The following RBFOX1 variants were observed in gnomAD, a reference collection of about 807,000 sequenced individuals.
RBFOX1 encodes the protein RNA binding fox-1 homolog 1.
RBFOX1 carries 8 observed loss-of-function variants against 57.7 expected under a neutral mutation model. The observed-to-expected ratio is 0.14, with a 90% CI of 0.08 to 0.25. The LOEUF (loss-of-function observed/expected upper bound fraction) is 0.25. Ranked by LOEUF, RBFOX1 falls within the 10% of genes least tolerant of loss-of-function variation. The pLI, the probability that RBFOX1 is intolerant of heterozygous loss-of-function variation, is 1.00. For missense variants in RBFOX1, 611 were observed against 548.5 expected (o/e 1.11, Z -1.14); for synonymous variants, 326 against 222.4 (o/e 1.47, Z -4.15).
At chr16:5,324,544 C>A (rs909165891) in intron 1 of RBFOX1, among the ~76,000 whole-genome samples, 14 of 152,168 alleles carry the variant, frequency 9.2e-5, no homozygotes, top group African/African-American at 2.9e-4. Flanking sequence ...ATAGCAAAGA[C>A]ATGGAATCAA....
chr16:6,593,625 A>G (rs1208243158), intron 2 of RBFOX1, among the ~76,000 whole-genome samples: 1 of 152,172 alleles, frequency 6.6e-6, no homozygotes. Context: ...TATGCTGGTA[A>G]TGTGAGTGCC....
chr16:5,759,227 G>A (rs181855159), intron 3 of RBFOX1, among the ~76,000 whole-genome samples: 1 of 152,188 alleles, frequency 6.6e-6, no homozygotes, highest in African/African-American at 2.4e-5. Context: ...CTGCATCATA[G>A]CCTGAGGTCT....
At chr16:7,563,255 C>T (rs1052479959) in intron 5 of RBFOX1, among the ~76,000 whole-genome samples, 2 of 152,122 alleles carry the variant, frequency 1.3e-5, no homozygotes, top group Non-Finnish European at 2.9e-5. Flanking sequence ...AATCATGGTC[C>T]ATCCTAAGCA....
intron 1 of RBFOX1, among the ~76,000 whole-genome samples, chr16:5,327,726 C>T (rs2064624051): frequency 6.6e-6 from 1 of 152,116 alleles, no homozygotes; most frequent in Non-Finnish European, 1.5e-5. Flanking sequence ...AGTGAGCTGC[C>T]CTACTTTGCA....
At chr16:6,774,059 C>G in intron 3 of RBFOX1, 1 of 928,124 alleles carries the variant, frequency 1.1e-6, no homozygotes, top group Non-Finnish European at 1.3e-6. Context: ...CATTGGCTTT[C>G]TGATTTCCCA....
At chr16:5,932,757 A>T (rs1567162681) in intron 4 of RBFOX1, among the ~76,000 whole-genome samples, 1 of 152,068 alleles carries the variant, frequency 6.6e-6, no homozygotes, top group Non-Finnish European at 1.5e-5. Flanking sequence ...ATTCTCTATA[A>T]ACGTGGGATG....
At chr16:5,963,175 C>A (rs2059783643) in intron 4 of RBFOX1, among the ~76,000 whole-genome samples, 1 of 152,172 alleles carries the variant, frequency 6.6e-6, no homozygotes, top group Non-Finnish European at 1.5e-5. Flanking sequence ...ATGCCCACAT[C>A]CGTCTTTATA....
At chr16:6,514,240 A>G (rs1219272058) in intron 2 of RBFOX1, among the ~76,000 whole-genome samples, 1 of 152,156 alleles carries the variant, frequency 6.6e-6, no homozygotes, top group Non-Finnish European at 1.5e-5. Flanking sequence ...TTAGAATGCC[A>G]TTTGTAGCAC....
Position 5,380,016 on chromosome 16 carries a change from C to T in RBFOX1, c.220-87200C>T, listed in dbSNP as rs996775104. On this transcript the variant is annotated intron_variant, in intron 1 of 2. Transcript: ENST00000585867. ...AGCCTGGGCACAGCCTTGCAGTGGG[C>T]GGTGTGAGGGCACAGCACCCAGCTG... Among the ~76,000 whole-genome samples the T allele has an allele frequency of 5.9e-5, 9 of 152,192 alleles. No individual in the cohort carries two copies. In the East Asian group the frequency reaches 9.7e-4, roughly 16 times the overall value.
chr16:5,616,298 G>A (rs35649425), intron 3 of RBFOX1: 116,906 of 152,176 alleles, frequency 0.77, 46,070 homozygotes, highest in Non-Finnish European at 0.87. Context: ...CACGCCACCT[G>A]GTGGCCGCTT....
chr16:6,335,661 C>G (rs1352169357), intron 2 of RBFOX1, among the ~76,000 whole-genome samples: 2 of 150,846 alleles, frequency 1.3e-5, no homozygotes, highest in East Asian at 2.0e-4. Context: ...GCCTGTAACC[C>G]CAGCTACTTG....
chr16:5,241,785 T>A (rs937744223), intron 1 of RBFOX1, among the ~76,000 whole-genome samples: 8 of 152,176 alleles, frequency 5.3e-5, no homozygotes, highest in African/African-American at 1.7e-4. Context: ...AGTGATGTTT[T>A]GTTCTGGGGT....
intron 1 of RBFOX1, among the ~76,000 whole-genome samples, chr16:5,304,715 A>T (rs2063890106): frequency 6.6e-6 from 1 of 152,210 alleles, no homozygotes; most frequent in South Asian, 2.1e-4. Context: ...AAGACTCATA[A>T]ACATACAACT....
chr16:6,248,667 A>T (rs1465183342), intron 1 of RBFOX1, among the ~76,000 whole-genome samples: 1 of 152,136 alleles, frequency 6.6e-6, no homozygotes, highest in Non-Finnish European at 1.5e-5. Flanking sequence ...TTTTAAAAAG[A>T]TGCATGTGAT....
At chr16:6,719,296 G>T (rs560400772) in intron 3 of RBFOX1, among the ~76,000 whole-genome samples, 65 of 152,030 alleles carry the variant, frequency 4.3e-4, no homozygotes, top group Admixed American at 1.4e-3. Context: ...AAAAAAAGAG[G>T]AAAAAATAGC....
chr16:5,328,484 G>T (rs183405773), intron 1 of RBFOX1, among the ~76,000 whole-genome samples: 1 of 152,354 alleles, frequency 6.6e-6, no homozygotes, highest in Admixed American at 6.5e-5. Flanking sequence ...GCTTGCCCTA[G>T]CAAACTGATG....
intron 1 of RBFOX1, among the ~76,000 whole-genome samples, chr16:6,137,935 G>T (rs2096680410): frequency 6.6e-6 from 1 of 152,014 alleles, no homozygotes; most frequent in South Asian, 2.1e-4. Context: ...GGTACAAACA[G>T]TTATCTCCAT....
At chr16:6,244,341 C>T (rs2097557168) in intron 1 of RBFOX1, among the ~76,000 whole-genome samples, 1 of 152,126 alleles carries the variant, frequency 6.6e-6, no homozygotes, top group Non-Finnish European at 1.5e-5. Context: ...CTTCAAATCT[C>T]AGTGTCTCAC....
chr16:6,506,129 G>A (rs35886152), intron 2 of RBFOX1, among the ~76,000 whole-genome samples: 4,306 of 152,284 alleles, frequency 0.028, 80 homozygotes, highest in Non-Finnish European at 0.044. Flanking sequence ...TGAGCTGAGA[G>A]TGGGAAAAAT....
Sources: allele counts gnomAD v4.1 joint callset (sites outside exome capture counted in the v4.1 genomes callset), GRCh38; gene constraint gnomAD v4.1.1; transcripts MANE v1.5; gene names NCBI Gene and HGNC (gene_info 2026-07-23, HGNC 2026-07-21).